The following ACOXL variants were observed in gnomAD, a reference collection of about 807,000 sequenced individuals.
ACOXL encodes the protein acyl-CoA oxidase like.
In ACOXL, 70 loss-of-function variants were observed where a neutral mutation model predicts 71.9. That is an observed-to-expected ratio of 0.97 (90% CI 0.80 to 1.19). The LOEUF is 1.19. Ranked by LOEUF, ACOXL falls within the 50% of genes most tolerant of loss-of-function variation. The pLI is 0.00. For missense variants in ACOXL, 703 were observed against 736.3 expected (o/e 0.95, Z 0.52); for synonymous variants, 253 against 281.6 (o/e 0.90, Z 1.02).
intron 9 of ACOXL, among the ~76,000 whole-genome samples, chr2:110,828,418 A>T (rs1311218086): frequency 1.3e-5 from 2 of 152,182 alleles, no homozygotes; most frequent in Non-Finnish European, 2.9e-5. Flanking sequence ...TGACTCTTTA[A>T]TACATGTCGT....
rs1357904918 is a variant in ACOXL at position 110,818,423 on chromosome 2, A to ATATG, written c.753+13029_753+13030insATGT. Among the ~76,000 whole-genome samples the ATATG allele has an allele frequency of 1.4e-3, 188 of 137,684 alleles. 1 individual carries two copies. Among genetic ancestry groups the ATATG allele is most frequent in the African/African-American group, 4.5e-3 (162 of 35,690 alleles). 90.3% of individuals were successfully genotyped at this position (137,684 alleles called of 152,430 possible). On this transcript the variant is annotated intron_variant, in intron 9 of 17. Transcript: ENST00000439055. ...AAAAAAAAAAAACATATATATATAT[A>ATATG]TGTGTGTGTGTGTGTGTGTGTGTGT... is the stretch of plus-strand genomic sequence containing the variant.
chr2:110,835,661 A>G (rs1017305666), intron 9 of ACOXL, among the ~76,000 whole-genome samples: 11 of 152,206 alleles, frequency 7.2e-5, no homozygotes, highest in Admixed American at 3.3e-4. Context: ...AGGACATAAA[A>G]TGTGAAAGGC....
intron 14 of ACOXL, among the ~76,000 whole-genome samples, chr2:111,015,765 T>C (rs1473836173): frequency 6.6e-6 from 1 of 152,164 alleles, no homozygotes; most frequent in Non-Finnish European, 1.5e-5. Context: ...ATATCTGTCA[T>C]ACATTGGAAT....
intron 14 of ACOXL, among the ~76,000 whole-genome samples, chr2:110,996,467 A>G (rs902911494): frequency 6.6e-6 from 1 of 152,192 alleles, no homozygotes; most frequent in Non-Finnish European, 1.5e-5. Flanking sequence ...CATTGATAGA[A>G]ATCTAGAGGA....
At chr2:110,940,374 T>C (rs548124335) in intron 12 of ACOXL, among the ~76,000 whole-genome samples, 10 of 152,346 alleles carry the variant, frequency 6.6e-5, no homozygotes, top group African/African-American at 1.9e-4. Flanking sequence ...TTCTCAGCCC[T>C]GCTAGAAACC....
chr2:110,972,063 C>T (rs1321925447), intron 12 of ACOXL, among the ~76,000 whole-genome samples: 1 of 152,106 alleles, frequency 6.6e-6, no homozygotes, highest in Non-Finnish European at 1.5e-5. Flanking sequence ...AATGTGAACT[C>T]AAGTGGAAGT....
At chr2:110,954,867 A>C (rs2061441853) in intron 12 of ACOXL, among the ~76,000 whole-genome samples, 1 of 152,160 alleles carries the variant, frequency 6.6e-6, no homozygotes, top group Non-Finnish European at 1.5e-5. Flanking sequence ...CCCAGTCTAT[A>C]GAGGTTACAT....
chr2:110,803,686 TA>T (rs1190140190), intron 8 of ACOXL, among the ~76,000 whole-genome samples: 1 of 152,188 alleles, frequency 6.6e-6, no homozygotes, highest in African/African-American at 2.4e-5. Flanking sequence ...ATCGAAGTTA[TA>T]AAAAACTTTT....
At chr2:111,011,673 A>G (rs1347644582) in intron 14 of ACOXL, among the ~76,000 whole-genome samples, 1 of 152,126 alleles carries the variant, frequency 6.6e-6, no homozygotes, top group Non-Finnish European at 1.5e-5. Context: ...GCTTGAGCCC[A>G]GGAGTTTGAG....
At chr2:110,879,577 T>A (rs1256361984) in intron 10 of ACOXL, among the ~76,000 whole-genome samples, 1 of 151,900 alleles carries the variant, frequency 6.6e-6, no homozygotes, top group Non-Finnish European at 1.5e-5. Flanking sequence ...AACAGATAAA[T>A]TGATTAACAT....
intron 9 of ACOXL, among the ~76,000 whole-genome samples, chr2:110,830,824 C>T (rs748797874): frequency 1.1e-4 from 17 of 152,114 alleles, no homozygotes; most frequent in African/African-American, 1.9e-4. Flanking sequence ...TGAGCCACCG[C>T]GCCTGGCCTG....
chr2:110,895,861 G>A (rs902411632), intron 10 of ACOXL, among the ~76,000 whole-genome samples: 1 of 151,954 alleles, frequency 6.6e-6, no homozygotes, highest in Non-Finnish European at 1.5e-5. Context: ...GAAACTAAAA[G>A]AATCCTAAAA....
intron 10 of ACOXL, among the ~76,000 whole-genome samples, chr2:110,842,546 T>G (rs918534283): frequency 2.0e-5 from 3 of 152,162 alleles, no homozygotes; most frequent in African/African-American, 4.8e-5. Flanking sequence ...AACCTGTATG[T>G]TTTTAATGTT....
At chr2:110,892,088 T>C (rs574347695) in intron 10 of ACOXL, among the ~76,000 whole-genome samples, 18 of 152,208 alleles carry the variant, frequency 1.2e-4, no homozygotes, top group Non-Finnish European at 2.2e-4. Flanking sequence ...GCATAATACA[T>C]TGTTAATTTT....
intron 2 of ACOXL, among the ~76,000 whole-genome samples, chr2:110,770,868 T>A (rs2105018500): frequency 6.6e-6 from 1 of 152,286 alleles, no homozygotes; most frequent in Admixed American, 6.5e-5. Context: ...TGAGAGCTGA[T>A]CCCTTAATGA....
chr2:111,118,037 C>T lies in ACOXL; in HGVS notation c.*221C>T. The T allele has an allele frequency of 1.6e-6, 1 of 612,048 alleles. No individual in the cohort carries two copies. The highest frequency in any genetic ancestry group is 2.8e-6 in the Non-Finnish European group (1 of 351,244). 37.9% of individuals were successfully genotyped at this position (612,048 alleles called of 1,614,324 possible). A position where few individuals can be genotyped will look rare whatever the true frequency, so the allele number is the denominator to read the frequency against. ...GCCTGGTGCGCTGGATCCCTGTGCC[C>T]TTTCCCTGAAACCCAGCCTGGCCTG... On this transcript the variant is annotated 3_prime_UTR_variant, in exon 18 of 18. Transcript: ENST00000439055.
chr2:111,005,560 CATA>C (rs1338593049), intron 14 of ACOXL, among the ~76,000 whole-genome samples: 1 of 152,196 alleles, frequency 6.6e-6, no homozygotes, highest in Non-Finnish European at 1.5e-5. Context: ...ATATTTAAAA[CATA>C]ATAAACCGCA....
intron 9 of ACOXL, among the ~76,000 whole-genome samples, chr2:110,811,727 G>GCACA (rs755379222): frequency 2.4e-4 from 7 of 29,334 alleles, no homozygotes; most frequent in Admixed American, 3.5e-4. Flanking sequence ...TGTTTTTTTT[G>GCACA]CATACACACA....
At chr2:110,995,819 C>T (rs1426995705) in intron 13 of ACOXL, 74 bp from the exon 14 acceptor site, 1 of 1,168,008 alleles carries the variant, frequency 8.6e-7, no homozygotes. Context: ...AAAAACAAAC[C>T]TACTCTATTT....
Sources: gnomAD v4.1 joint callset for allele counts (sites outside exome capture counted in the v4.1 genomes callset) on GRCh38, gnomAD v4.1.1 for gene constraint, MANE v1.5 for transcripts, NCBI Gene and HGNC (gene_info 2026-07-23, HGNC 2026-07-21) for gene names.